MAPRE2: variants seen among roughly 807,000 people sequenced by gnomAD.
MAPRE2 encodes the protein microtubule-associated protein RP/EB family member 2.
In MAPRE2, 13 loss-of-function variants were observed where a neutral mutation model predicts 43.2. The ratio of observed to expected loss-of-function variants is 0.30; its 90% CI spans 0.20 to 0.48. MAPRE2 has a LOEUF of 0.48. MAPRE2 is among the 20% of genes least tolerant of loss of function. MAPRE2 has a pLI of 0.99. For synonymous variants in MAPRE2, 135 were observed against 148.8 expected (o/e 0.91, Z 0.68); for missense variants, 161 against 400.2 (o/e 0.40, Z 5.10).
At chr18:35,125,404 A>G in intron 4 of MAPRE2, among the ~76,000 whole-genome samples, 1 of 152,342 alleles carries the variant, frequency 6.6e-6, no homozygotes, top group Non-Finnish European at 1.5e-5. Flanking sequence ...TAAAAGTTTT[A>G]TTTACTTGTT....
At chr18:35,078,551 A>G (rs1370720341) in intron 2 of MAPRE2, among the ~76,000 whole-genome samples, 2 of 152,182 alleles carry the variant, frequency 1.3e-5, no homozygotes, top group Non-Finnish European at 2.9e-5. Context: ...AAAAGCTCCA[A>G]GAAGCCATGT....
At chr18:35,020,939 A>G (rs1285908734) in intron 2 of MAPRE2, among the ~76,000 whole-genome samples, 2 of 152,314 alleles carry the variant, frequency 1.3e-5, no homozygotes, top group African/African-American at 4.8e-5. Context: ...GATGGAACTC[A>G]ATACATATTT....
intron 1 of MAPRE2, among the ~76,000 whole-genome samples, chr18:35,066,022 T>C (rs555507817): frequency 6.6e-6 from 1 of 152,216 alleles, no homozygotes; most frequent in Admixed American, 6.5e-5. Flanking sequence ...GTTGTTTCCA[T>C]GTAAAAGACA....
chr18:35,085,990 C>T (rs1033465650), intron 2 of MAPRE2, among the ~76,000 whole-genome samples: 3 of 152,184 alleles, frequency 2.0e-5, no homozygotes, highest in Non-Finnish European at 2.9e-5. Flanking sequence ...AGTATGATCA[C>T]ATGGATGTGT....
chr18:35,082,942 C>T (rs1285180383), intron 2 of MAPRE2, among the ~76,000 whole-genome samples: 1 of 152,060 alleles, frequency 6.6e-6, no homozygotes, highest in African/African-American at 2.4e-5. Context: ...GTGTATTTCT[C>T]CAGACTCTCA....
chr18:34,994,432 T>G (rs570086192), intron 1 of MAPRE2, among the ~76,000 whole-genome samples: 1 of 151,842 alleles, frequency 6.6e-6, no homozygotes, highest in Admixed American at 6.6e-5. Flanking sequence ...CTGCCAACCT[T>G]AGAGAAATGA....
intron 1 of MAPRE2, among the ~76,000 whole-genome samples, chr18:35,044,192 C>T (rs991795396): frequency 6.6e-6 from 1 of 152,120 alleles, no homozygotes; most frequent in African/African-American, 2.4e-5. Flanking sequence ...TTATTGACTT[C>T]TAGGTAGGCC....
At chr18:34,979,997 ATTTCTTTTCT>A (rs200863564) in intron 1 of MAPRE2, among the ~76,000 whole-genome samples, 1 of 136,224 alleles carries the variant, frequency 7.3e-6, no homozygotes, top group Non-Finnish European at 1.6e-5. Flanking sequence ...CCCTTCCTCA[ATTTCTTTTCT>A]TTTCTTTTTC....
At chr18:35,112,025 T>C (rs1909197596) in intron 4 of MAPRE2, among the ~76,000 whole-genome samples, 1 of 152,212 alleles carries the variant, frequency 6.6e-6, no homozygotes, top group Non-Finnish European at 1.5e-5. Flanking sequence ...TACGTATGTC[T>C]TTAAGGATCA....
At chr18:35,133,844 G>A (rs1357961909) in intron 6 of MAPRE2, among the ~76,000 whole-genome samples, 1 of 152,058 alleles carries the variant, frequency 6.6e-6, no homozygotes, top group Non-Finnish European at 1.5e-5. Context: ...ATTTCCAGGG[G>A]GTCTACCTAG....
chr18:35,004,174 A>G (rs1384704251), intron 1 of MAPRE2, among the ~76,000 whole-genome samples: 2 of 152,080 alleles, frequency 1.3e-5, no homozygotes, highest in African/African-American at 4.8e-5. Flanking sequence ...TTAGAGAAAA[A>G]CTATAAAATG....
At chr18:35,010,817 T>G (rs1457373462) in intron 2 of MAPRE2, among the ~76,000 whole-genome samples, 1 of 152,198 alleles carries the variant, frequency 6.6e-6, no homozygotes, top group African/African-American at 2.4e-5. Flanking sequence ...TTTCTCTGTG[T>G]TTTACCTTAA....
chr18:35,014,420 G>T (rs180956741), intron 2 of MAPRE2, among the ~76,000 whole-genome samples: 1 of 150,846 alleles, frequency 6.6e-6, no homozygotes, highest in East Asian at 1.9e-4. Flanking sequence ...GCAGGTCTCG[G>T]CAGTCTATAT....
intron 1 of MAPRE2, among the ~76,000 whole-genome samples, chr18:35,052,777 T>C (rs1287955825): frequency 2.6e-5 from 4 of 152,214 alleles, no homozygotes; most frequent in Admixed American, 6.5e-5. Flanking sequence ...TGGTATCTCA[T>C]TGAGATTTTA....
chr18:35,123,768 C>T (rs2144230076), intron 4 of MAPRE2, among the ~76,000 whole-genome samples: 1 of 152,332 alleles, frequency 6.6e-6, no homozygotes, highest in South Asian at 2.1e-4. Context: ...AGAGATGCCT[C>T]TGCTAGGTCT....
chr18:35,131,876 C>T, intron 5 of MAPRE2, 156 bp from the exon 6 acceptor site: 1 of 709,332 alleles, frequency 1.4e-6, no homozygotes, highest in South Asian at 2.0e-5. Context: ...GGTCAAGCTC[C>T]AGACAACAGC....
At chr18:35,064,471 A>G (rs554571685) in intron 1 of MAPRE2, among the ~76,000 whole-genome samples, 1 of 152,246 alleles carries the variant, frequency 6.6e-6, no homozygotes, top group East Asian at 1.9e-4. Flanking sequence ...AGACAAAATG[A>G]ATTACATAGG....
At chr18:35,053,622 C>A (rs1321856962) in intron 1 of MAPRE2, among the ~76,000 whole-genome samples, 7 of 152,060 alleles carry the variant, frequency 4.6e-5, no homozygotes, top group African/African-American at 1.2e-4. Context: ...TATTGTGTGT[C>A]CCCTTCTTGC....
At chr18:34,998,885 G>A (rs1312638437) in intron 1 of MAPRE2, among the ~76,000 whole-genome samples, 1 of 148,802 alleles carries the variant, frequency 6.7e-6, no homozygotes, top group Admixed American at 6.8e-5. Context: ...AGGGCAAAAG[G>A]TCACAGTAGC....
Sources: gnomAD v4.1 joint callset for allele counts (sites outside exome capture counted in the v4.1 genomes callset) on GRCh38, gnomAD v4.1.1 for gene constraint, MANE v1.5 for transcripts, NCBI Gene and HGNC (gene_info 2026-07-23, HGNC 2026-07-21) for gene names.